The following PPFIBP1 variants were observed in gnomAD, a reference collection of about 807,000 sequenced individuals.
The protein encoded by PPFIBP1 is PPFIB scaffold protein 1, also known as liprin-beta-1.
PPFIBP1 carries 112 observed loss-of-function variants against 137.8 expected under a neutral mutation model. That is an observed-to-expected ratio of 0.81 (90% CI 0.70 to 0.95). The LOEUF (loss-of-function observed/expected upper bound fraction) is 0.95, where lower values mean the gene tolerates loss of function less well. Among genes scored for constraint, PPFIBP1 ranks in the 40% least tolerant of loss-of-function variants. The pLI is 0.00. For synonymous variants in PPFIBP1, 378 were observed against 417.3 expected (o/e 0.91, Z 1.15); for missense variants, 1,083 against 1,196.6 (o/e 0.91, Z 1.40).
intron 3 of PPFIBP1, among the ~76,000 whole-genome samples, 164 bp from the exon 4 acceptor site, chr12:27,634,746 G>A (rs977204847): frequency 1.3e-5 from 2 of 152,148 alleles, no homozygotes; most frequent in African/African-American, 2.4e-5. Context: ...TTTAATTTTT[G>A]CACCATGTAA....
intron 2 of PPFIBP1, among the ~76,000 whole-genome samples, chr12:27,601,542 G>A (rs2053993035): frequency 6.6e-6 from 1 of 152,170 alleles, no homozygotes; most frequent in African/African-American, 2.4e-5. Flanking sequence ...TCCCATGGTT[G>A]ATAATTTAAT....
At chr12:27,593,998 G>A in intron 2 of PPFIBP1, 4 of 1,370,364 alleles carry the variant, frequency 2.9e-6, no homozygotes, top group South Asian at 2.3e-5. Flanking sequence ...TGGATTTGGA[G>A]CTGTCGTCCT....
chr12:27,673,489 G>T (rs1206442598), intron 15 of PPFIBP1, among the ~76,000 whole-genome samples: 1 of 152,114 alleles, frequency 6.6e-6, no homozygotes, highest in Non-Finnish European at 1.5e-5. Context: ...CTTTATTTTC[G>T]AATATTGACA....
intron 21 of PPFIBP1, 122 bp from the exon 22 acceptor site, chr12:27,681,424 T>C: frequency 8.8e-7 from 1 of 1,132,560 alleles, no homozygotes; most frequent in Non-Finnish European, 1.3e-6. Flanking sequence ...AAGCTTTTCA[T>C]GGTCAAATGT....
chr12:27,561,169 T>C (rs1472862220), intron 1 of PPFIBP1, among the ~76,000 whole-genome samples: 1 of 152,156 alleles, frequency 6.6e-6, no homozygotes, highest in Admixed American at 6.5e-5. Context: ...GGTTTCTTTA[T>C]GGAAGGGGAA....
intron 8 of PPFIBP1, 150 bp from the exon 9 acceptor site, chr12:27,656,466 C>A (rs1277868831): frequency 4.8e-6 from 3 of 619,290 alleles, no homozygotes; most frequent in Admixed American, 5.9e-5. Context: ...CTTTTCATTG[C>A]CCTTGTCTGA....
intron 1 of PPFIBP1, among the ~76,000 whole-genome samples, chr12:27,532,449 G>A (rs999526954): frequency 6.7e-6 from 1 of 148,706 alleles, no homozygotes; most frequent in Non-Finnish European, 1.5e-5. Context: ...TGGGATGAAG[G>A]GAACTTTGTA....
chr12:27,675,419 G>C (rs151175839), intron 17 of PPFIBP1, among the ~76,000 whole-genome samples: 1 of 152,242 alleles, frequency 6.6e-6, no homozygotes, highest in East Asian at 1.9e-4. Flanking sequence ...GATATATAGA[G>C]TAAAATAACC....
Position 27,689,103 on chromosome 12 carries a change from C to T in PPFIBP1, c.2585C>T (p.Thr862Ile). ...ACTTTGCTGCGAAGACATTTGGCCA[C>T]TCATTTCAACCTTCTGATTGGGGCT... ...NKTLLRRHLA[T>I]HFNLLIGAEA... Residue 862 changes from threonine to isoleucine, a missense_variant, in exon 27 of 30, where the codon ACT becomes ATT. Transcript: ENST00000228425. The T allele has an allele frequency of 6.2e-7, 1 of 1,611,300 alleles. No individual in the cohort carries two copies. Among genetic ancestry groups the T allele is most frequent in the Non-Finnish European group, 8.5e-7 (1 of 1,179,386 alleles).
chr12:27,598,538 C>CTGTGTG (rs71039825), intron 2 of PPFIBP1, among the ~76,000 whole-genome samples: 196 of 150,838 alleles, frequency 1.3e-3, no homozygotes, highest in African/African-American at 3.9e-3. Context: ...TCTCTATAAT[C>CTGTGTG]TGTGTGTGTG....
intron 2 of PPFIBP1, among the ~76,000 whole-genome samples, chr12:27,618,582 T>G (rs1025970299): frequency 2.6e-5 from 4 of 152,224 alleles, no homozygotes; most frequent in Non-Finnish European, 5.9e-5. Context: ...TGAATCTACC[T>G]ATAATCTGGA....
intron 2 of PPFIBP1, among the ~76,000 whole-genome samples, chr12:27,586,217 G>T (rs2051730024): frequency 6.6e-6 from 1 of 152,202 alleles, no homozygotes; most frequent in African/African-American, 2.4e-5. Flanking sequence ...GGTGGACTGG[G>T]AATTGAAGCC....
At chr12:27,571,792 T>C (rs754717212) in intron 1 of PPFIBP1, among the ~76,000 whole-genome samples, 10 of 152,216 alleles carry the variant, frequency 6.6e-5, no homozygotes, top group Non-Finnish European at 1.5e-4. Flanking sequence ...GGGATCTCAG[T>C]GGTTTGACTT....
At chr12:27,560,626 G>A (rs2049078107) in intron 1 of PPFIBP1, among the ~76,000 whole-genome samples, 1 of 152,208 alleles carries the variant, frequency 6.6e-6, no homozygotes, top group African/African-American at 2.4e-5. Context: ...TACTGTGTGA[G>A]TGAGTTACTT....
intron 2 of PPFIBP1, among the ~76,000 whole-genome samples, chr12:27,582,583 A>T (rs1008168198): frequency 2.6e-5 from 4 of 152,156 alleles, no homozygotes; most frequent in African/African-American, 9.7e-5. Context: ...AAGAAATGAG[A>T]TTGGGTTCCC....
chr12:27,602,113 C>T lies in PPFIBP1; in HGVS notation c.-36+23874C>T, dbSNP rs145305310. On this transcript the variant is annotated intron_variant, in intron 2 of 29. Transcript: ENST00000228425. ...CTGTCCTTTGGTTGGATCTGGAGAA[C>T]ATTGAGCAAAAAGTTTCATTAGAAG... Among the ~76,000 whole-genome samples, 369 of 152,258 alleles carry T rather than the reference C, an allele frequency of 2.4e-3. 1 individual carries two copies. Among genetic ancestry groups the T allele is most frequent in the Non-Finnish European group, 4.4e-3 (301 of 68,024 alleles).
intron 1 of PPFIBP1, among the ~76,000 whole-genome samples, chr12:27,568,846 T>C (rs899861415): frequency 6.6e-6 from 1 of 152,192 alleles, no homozygotes; most frequent in Non-Finnish European, 1.5e-5. Flanking sequence ...AACTACATTG[T>C]ATATGTATTC....
chr12:27,559,156 C>T (rs1177869575), intron 1 of PPFIBP1, among the ~76,000 whole-genome samples: 3 of 149,318 alleles, frequency 2.0e-5, no homozygotes, highest in Non-Finnish European at 4.4e-5. Flanking sequence ...GCATTAGCCA[C>T]AACACCAGGC....
At chr12:27,635,778 C>A (rs2057621281) in intron 4 of PPFIBP1, 1 of 152,260 alleles carries the variant, frequency 6.6e-6, no homozygotes, top group African/African-American at 2.4e-5. Context: ...AACAATGAGG[C>A]CGCTTTCTAG....
Sources: gnomAD v4.1 joint callset for allele counts (sites outside exome capture counted in the v4.1 genomes callset) on GRCh38, gnomAD v4.1.1 for gene constraint, MANE v1.5 for transcripts, NCBI Gene and HGNC (gene_info 2026-07-23, HGNC 2026-07-21) for gene names.